The following MAD1L1 variants were observed in gnomAD, a reference collection of about 807,000 sequenced individuals.
The protein encoded by MAD1L1 is mitotic spindle assembly checkpoint protein MAD1.
Under a neutral mutation model 96.9 loss-of-function variants are expected in MAD1L1, and 95 were observed. That is an observed-to-expected ratio of 0.98 (90% CI 0.83 to 1.16). MAD1L1 has a LOEUF of 1.16. MAD1L1 is among the 50% of genes most tolerant of loss of function. The probability of loss-of-function intolerance (pLI) is 0.00; values close to 1 mark genes in which losing one functional copy is unlikely to be tolerated. For missense variants in MAD1L1, 1,007 were observed against 954.4 expected (o/e 1.06, Z -0.73); for synonymous variants, 473 against 396.6 (o/e 1.19, Z -2.29).
Position 2,079,359 on chromosome 7 carries a change from G to GA in MAD1L1, c.1074-10022dup, listed in dbSNP as rs899564397. ...TCCAAGTGTCAATACACATTTTTCT[G>GA]AAAAAAATAAAAATCCAAACAGCGG... On this transcript the variant is annotated intron_variant, in intron 11 of 18. Transcript: ENST00000265854. 4.6e-5 allele frequency among the ~76,000 whole-genome samples: 7 copies of GA among 152,178 alleles called. No individual in the cohort carries two copies. The East Asian group carries it at 1.2e-3, about 25-fold the overall frequency.
intron 18 of MAD1L1, among the ~76,000 whole-genome samples, chr7:1,863,390 G>A (rs1398471518): frequency 6.6e-6 from 1 of 152,216 alleles, no homozygotes; most frequent in Admixed American, 6.5e-5. Context: ...CCAGCGGCAC[G>A]GCCGTCACAA....
chr7:1,972,370 T>TA (rs1012843318), intron 15 of MAD1L1, among the ~76,000 whole-genome samples: 2 of 152,168 alleles, frequency 1.3e-5, no homozygotes, highest in East Asian at 3.8e-4. Context: ...CAATTTTTTT[T>TA]AAAAAAATAG....
At chr7:1,939,755 C>A (rs1778854041) in intron 16 of MAD1L1, among the ~76,000 whole-genome samples, 1 of 152,234 alleles carries the variant, frequency 6.6e-6, no homozygotes, top group Non-Finnish European at 1.5e-5. Flanking sequence ...GGTGAAGAGA[C>A]CGGGCGCAGT....
At chr7:1,953,795 T>G (rs527512181) in intron 16 of MAD1L1, among the ~76,000 whole-genome samples, 1 of 152,148 alleles carries the variant, frequency 6.6e-6, no homozygotes, top group Non-Finnish European at 1.5e-5. Context: ...CCCAACAGGG[T>G]TGAGTCTGAA....
At chr7:2,117,624 C>T (rs1787775443) in intron 11 of MAD1L1, among the ~76,000 whole-genome samples, 1 of 152,190 alleles carries the variant, frequency 6.6e-6, no homozygotes, top group Non-Finnish European at 1.5e-5. Context: ...ACTTCTCCTT[C>T]CTGTCACCAT....
In MAD1L1 at chr7:2,216,168, G is replaced by A. The variant is rs747926356; in HGVS notation, c.798C>T (p.Ser266=). Residue 266 remains serine, a synonymous_variant, in exon 8 of 19, where the codon AGC becomes AGT. Transcript: ENST00000265854. ...ERELKQLREE[S]AHLREMRETN... ...CCGCAACCCCTCACCGCAGGTGCGC[G>A]CTCTCCTCCCGCAGCTGCTTCAGCT... is the stretch of plus-strand genomic sequence containing the variant. 5.6e-5 allele frequency: 91 copies of A among 1,612,856 alleles called. No individual in the cohort carries two copies. The highest frequency in any genetic ancestry group is 6.9e-5 in the Non-Finnish European group (82 of 1,179,886).
At chr7:2,051,257 G>C (rs1019692787) in intron 12 of MAD1L1, among the ~76,000 whole-genome samples, 2 of 151,202 alleles carry the variant, frequency 1.3e-5, no homozygotes, top group African/African-American at 4.8e-5. Context: ...CTGGGCACTG[G>C]AGGAGCCTCC....
chr7:1,989,959 G>GT (rs1781332591), intron 14 of MAD1L1, among the ~76,000 whole-genome samples: 1 of 152,234 alleles, frequency 6.6e-6, no homozygotes, highest in Non-Finnish European at 1.5e-5. Context: ...CTTGCATTCG[G>GT]TTTAATTTGG....
chr7:2,203,245 C>A (rs143301875), intron 10 of MAD1L1, among the ~76,000 whole-genome samples: 1 of 152,376 alleles, frequency 6.6e-6, no homozygotes, highest in African/African-American at 2.4e-5. Context: ...ACACCCACTC[C>A]CTTCCTATTT....
intron 12 of MAD1L1, among the ~76,000 whole-genome samples, chr7:2,061,520 C>G (rs1006537313): frequency 1.4e-4 from 22 of 152,338 alleles, no homozygotes; most frequent in Non-Finnish European, 2.6e-4. Context: ...TACAGGCCCC[C>G]ACCAGGGAGA....
intron 18 of MAD1L1, among the ~76,000 whole-genome samples, chr7:1,835,793 T>C (rs1342979744): frequency 6.6e-6 from 1 of 152,232 alleles, no homozygotes; most frequent in African/African-American, 2.4e-5. Flanking sequence ...ACTTATACTG[T>C]ATTTCTTGAT....
chr7:1,896,404 G>A (rs1786874099), intron 18 of MAD1L1, among the ~76,000 whole-genome samples: 1 of 152,200 alleles, frequency 6.6e-6, no homozygotes, highest in South Asian at 2.1e-4. Flanking sequence ...TGACGGGGAT[G>A]GACCTGGTGT....
intron 17 of MAD1L1, among the ~76,000 whole-genome samples, chr7:1,928,371 C>G (rs59806782): frequency 0.084 from 12,614 of 150,816 alleles, 1,592 homozygotes; most frequent in African/African-American, 0.29. Context: ...AGACACTGCT[C>G]CCCACCACCC....
chr7:1,957,193 C>T (rs1165894668), intron 16 of MAD1L1, among the ~76,000 whole-genome samples: 1 of 152,260 alleles, frequency 6.6e-6, no homozygotes, highest in Non-Finnish European at 1.5e-5. Context: ...TTTGATCTGC[C>T]TCTAACAGGT....
chr7:2,103,583 G>A lies in MAD1L1; in HGVS notation c.1074-34245C>T, dbSNP rs555850933. ...AGCACTGGGGCAAAGCCCACCACCA[G>A]GCAGCCCTGGGAGCCCCTGCGAAGG... On this transcript the variant is annotated intron_variant, in intron 11 of 18. Transcript: ENST00000265854. This position sits in a 1 kb window ranked among gnomAD's most constrained non-coding sequence, Gnocchi z 4.3. Among the ~76,000 whole-genome samples the A allele has an allele frequency of 3.5e-4, 53 of 152,270 alleles. No homozygotes were observed. The highest frequency in any genetic ancestry group is 3.4e-3 in the Middle Eastern group (1 of 294).
intron 7 of MAD1L1, among the ~76,000 whole-genome samples, chr7:2,217,201 C>T (rs916504494): frequency 2.6e-5 from 4 of 152,218 alleles, no homozygotes; most frequent in Non-Finnish European, 1.5e-5. Flanking sequence ...GGTACCCAGT[C>T]CCCTTGGGAC....
At position 2,142,840 on chromosome 7, in the gene MAD1L1, G is replaced by C. The variant is rs1413685341; in HGVS notation, c.1073+6312C>G. On this transcript the variant is annotated intron_variant, in intron 11 of 18. Transcript: ENST00000265854. This position sits in a 1 kb window ranked among gnomAD's most constrained non-coding sequence, Gnocchi z 4.7. ...ATGGCTGAGGCCATGGTCAGTTCAA[G>C]GGCAGGCCAGAACTGGCCATCCCGA... Among the ~76,000 whole-genome samples the C allele has an allele frequency of 6.6e-6, 1 of 152,194 alleles. No homozygotes were observed. The highest frequency in any genetic ancestry group is 1.5e-5 in the Non-Finnish European group (1 of 68,030).
chr7:1,987,670 G>A (rs146040447), intron 14 of MAD1L1, among the ~76,000 whole-genome samples: 5,115 of 152,316 alleles, frequency 0.034, 183 homozygotes, highest in Admixed American at 0.098. Context: ...GGGCCCGCAC[G>A]GCAGGGCCAC....
chr7:2,098,013 G>A (rs1224109902), intron 11 of MAD1L1, among the ~76,000 whole-genome samples: 1 of 152,218 alleles, frequency 6.6e-6, no homozygotes, highest in East Asian at 1.9e-4. Flanking sequence ...GGAACTGAGA[G>A]GAAGCTTCAC....
Sources: gnomAD v4.1 joint callset for allele counts (sites outside exome capture counted in the v4.1 genomes callset) on GRCh38, gnomAD v4.1.1 for gene constraint, Gnocchi (gnomAD v3.1) non-coding constraint, MANE v1.5 for transcripts, NCBI Gene and HGNC (gene_info 2026-07-23, HGNC 2026-07-21) for gene names.